The following RFTN1 variants were observed in gnomAD, a reference collection of about 807,000 sequenced individuals.
RFTN1 encodes the protein raftlin, lipid raft linker 1.
In RFTN1, 26 loss-of-function variants were observed where a neutral mutation model predicts 46.5. The ratio of observed to expected loss-of-function variants is 0.56; its 90% CI spans 0.41 to 0.78. The LOEUF (loss-of-function observed/expected upper bound fraction) is 0.78. Among genes scored for constraint, RFTN1 ranks in the 30% least tolerant of loss-of-function variants. RFTN1 has a pLI of 0.00. For synonymous variants in RFTN1, 261 were observed against 284.2 expected (o/e 0.92, Z 0.82); for missense variants, 693 against 718.7 (o/e 0.96, Z 0.41).
chr3:16,439,154 G>A (rs754270190), intron 2 of RFTN1, among the ~76,000 whole-genome samples: 23 of 152,112 alleles, frequency 1.5e-4, no homozygotes, highest in Middle Eastern at 3.4e-3. Flanking sequence ...ATAAAAAAAG[G>A]CTCCTATTAT....
rs1321860248 is a variant in RFTN1 at position 16,425,414 on chromosome 3, T to C, written c.332+8437A>G. ...CTCACTGTTCTCTGTCATTTCAAAA[T>C]AGTTCTGGGGAGAGGGTGGAAATCA... On this transcript the variant is annotated intron_variant, in intron 3 of 9. Transcript: ENST00000334133. The surrounding 1 kb of genome is among the most constrained non-coding windows in gnomAD (Gnocchi z 4.3). Among the ~76,000 whole-genome samples, 1 of 152,210 alleles carries C rather than the reference T, an allele frequency of 6.6e-6. No homozygotes were observed. Among genetic ancestry groups the C allele is most frequent in the Non-Finnish European group, 1.5e-5 (1 of 68,044 alleles).
In RFTN1 at chr3:16,425,188, T is replaced by C. The variant is rs1225428463; in HGVS notation, c.332+8663A>G. Among the ~76,000 whole-genome samples, 2 of 152,234 alleles carry C rather than the reference T, an allele frequency of 1.3e-5. No homozygotes were observed. Among genetic ancestry groups the C allele is most frequent in the African/African-American group, 4.8e-5 (2 of 41,466 alleles). On this transcript the variant is annotated intron_variant, in intron 3 of 9. Transcript: ENST00000334133. The surrounding 1 kb of genome is among the most constrained non-coding windows in gnomAD (Gnocchi z 4.3). ...TTCTCAAAATCATGTCCCTGTAGTC[T>C]ACCTTGCAATGCTACCAAATAAATC...
intron 8 of RFTN1, among the ~76,000 whole-genome samples, 158 bp downstream of exon 8, chr3:16,326,615 G>A (rs963849576): frequency 8.5e-5 from 13 of 152,290 alleles, no homozygotes; most frequent in African/African-American, 2.9e-4. Context: ...TTAAGAATGT[G>A]AAATTCTGGC....
rs1362909741 is a variant in RFTN1, at chr3:16,407,242, G to C, written c.441+2133C>G. ...CTGTCAGCCAGGCTGGAGTGCAGTG[G>C]TGCAATCATAGCTCACTGTGGTCTC... On this transcript the variant is annotated intron_variant, in intron 4 of 9. Coordinates refer to ENST00000334133, the MANE Select transcript of RFTN1 (RefSeq NM_015150.2). This position sits in a 1 kb window ranked among gnomAD's most constrained non-coding sequence, Gnocchi z 4.0. Among the ~76,000 whole-genome samples the C allele has an allele frequency of 1.9e-4, 29 of 152,210 alleles. No individual in the cohort carries two copies. The highest frequency in any genetic ancestry group is 8.8e-5 in the Non-Finnish European group (6 of 68,038).
chr3:16,328,672 C>T (rs948199732), intron 7 of RFTN1, among the ~76,000 whole-genome samples: 4 of 152,222 alleles, frequency 2.6e-5, no homozygotes, highest in Admixed American at 2.6e-4. Context: ...CCCAGATTCT[C>T]AGGGCCCCAT....
intron 7 of RFTN1, among the ~76,000 whole-genome samples, chr3:16,343,885 CTG>C (rs1200186953): frequency 1.3e-5 from 2 of 152,154 alleles, no homozygotes; most frequent in African/African-American, 2.4e-5. Context: ...GCAAAGCCAG[CTG>C]ATAGTCTTAT....
At position 16,376,869 on chromosome 3, in the gene RFTN1, G is replaced by C. The variant is rs540667428; in HGVS notation, c.826+849C>G. Among the ~76,000 whole-genome samples, 4 of 152,252 alleles carry C rather than the reference G, an allele frequency of 2.6e-5. No individual in the cohort carries two copies. The South Asian group carries it at 8.3e-4, about 32-fold the overall frequency. Reference sequence around the variant, plus strand: ...ACCACCTGTTCATTATCACTTGTAAGAGGCTAAATTCAAGAATTCGTAAAT... The same window carrying C: ...ACCACCTGTTCATTATCACTTGTAACAGGCTAAATTCAAGAATTCGTAAAT... On this transcript the variant is annotated intron_variant, in intron 5 of 9. Transcript: ENST00000334133. This position sits in a 1 kb window ranked among gnomAD's most constrained non-coding sequence, Gnocchi z 4.7.
intron 2 of RFTN1, among the ~76,000 whole-genome samples, chr3:16,490,394 G>C (rs1267123136): frequency 6.6e-6 from 1 of 152,138 alleles, no homozygotes; most frequent in Non-Finnish European, 1.5e-5. Flanking sequence ...GAGAAGCAGA[G>C]AAAGGAGGGT....
In RFTN1 at chr3:16,433,795, A is replaced by G; in HGVS notation, c.332+56T>C. ...CCCATCCTCTCACTTCCCCTCCTCT[A>G]TTGAGCATAACTTAGCCGCAACAGG... is the stretch of plus-strand genomic sequence containing the variant. On this transcript the variant is annotated intron_variant, in intron 3 of 9. Coordinates refer to ENST00000334133, the MANE Select transcript of RFTN1 (RefSeq NM_015150.2). This position sits in a 1 kb window ranked among gnomAD's most constrained non-coding sequence, Gnocchi z 4.4. The G allele has an allele frequency of 1.3e-6, 2 of 1,570,324 alleles. No individual in the cohort carries two copies. The highest frequency in any genetic ancestry group is 8.8e-7 in the Non-Finnish European group (1 of 1,140,818).
intron 7 of RFTN1, among the ~76,000 whole-genome samples, chr3:16,340,655 A>G (rs988360101): frequency 2.0e-5 from 3 of 152,360 alleles, no homozygotes; most frequent in Admixed American, 6.5e-5. Flanking sequence ...GCTTCTTTCA[A>G]AGTTACCTTG....
rs775754299 is a variant in RFTN1 at position 16,506,454 on chromosome 3, C to T, written c.-9+6988G>A. Among the ~76,000 whole-genome samples the T allele has an allele frequency of 6.6e-6, 1 of 152,108 alleles. No homozygotes were observed. The highest frequency in any genetic ancestry group is 1.5e-5 in the Non-Finnish European group (1 of 68,014). On this transcript the variant is annotated intron_variant, in intron 1 of 9. Coordinates refer to ENST00000334133, the MANE Select transcript of RFTN1 (RefSeq NM_015150.2). The surrounding 1 kb of genome is among the most constrained non-coding windows in gnomAD (Gnocchi z 4.8). Reference sequence around the variant, plus strand: ...CTCTGGCCATGACTGACCATGACAGCAGGGAACCCAGATGACAGTAAGTAG... The same window carrying T: ...CTCTGGCCATGACTGACCATGACAGTAGGGAACCCAGATGACAGTAAGTAG...
rs1262517513 is a variant in RFTN1, at chr3:16,413,912, T to C, written c.333-4429A>G. Among the ~76,000 whole-genome samples the C allele has an allele frequency of 6.6e-6, 1 of 152,196 alleles. No homozygotes were observed. The highest frequency in any genetic ancestry group is 1.5e-5 in the Non-Finnish European group (1 of 68,036). ...TTAAACTTTCTGTGCTTCAGTTTCT[T>C]TCACTAATGAATGGGATATTATACG... On this transcript the variant is annotated intron_variant, in intron 3 of 9. Transcript: ENST00000334133. The surrounding 1 kb of genome is among the most constrained non-coding windows in gnomAD (Gnocchi z 4.7).
Position 16,430,468 on chromosome 3 carries a change from CA to C in RFTN1, c.332+3382del, listed in dbSNP as rs113135376. ...TCGTTGGAGTCTTTTCCCCATAATA[CA>C]AAAAAAATGCAGTTATTGCATTTGC... On this transcript the variant is annotated intron_variant, in intron 3 of 9. Transcript: ENST00000334133. Among the ~76,000 whole-genome samples the C allele has an allele frequency of 5.8e-3, 883 of 151,664 alleles. 6 individuals carry two copies. Among genetic ancestry groups the C allele is most frequent in the African/African-American group, 0.02 (829 of 41,420 alleles).
rs1470692725 is a variant in RFTN1, at chr3:16,475,951, G to A, written c.145+17774C>T. ...GGACTTTTTGTCTTCCCTTAAGAGT[G>A]TGAATACTGCATGAAGCATAGACAC... On this transcript the variant is annotated intron_variant, in intron 2 of 9. Coordinates refer to ENST00000334133, the MANE Select transcript of RFTN1 (RefSeq NM_015150.2). This position sits in a 1 kb window ranked among gnomAD's most constrained non-coding sequence, Gnocchi z 4.2. Among the ~76,000 whole-genome samples the A allele has an allele frequency of 2.0e-5, 3 of 152,224 alleles. No homozygotes were observed. The highest frequency in any genetic ancestry group is 4.8e-5 in the African/African-American group (2 of 41,442).
intron 4 of RFTN1, among the ~76,000 whole-genome samples, chr3:16,391,817 G>A (rs1038551659): frequency 1.4e-5 from 2 of 145,342 alleles, no homozygotes; most frequent in Non-Finnish European, 3.0e-5. Context: ...CAGAATATCA[G>A]AGCTATAGGC....
chr3:16,473,762 C>T lies in RFTN1; in HGVS notation c.145+19963G>A, dbSNP rs2076238469. Among the ~76,000 whole-genome samples, 1 of 150,432 alleles carries T rather than the reference C, an allele frequency of 6.6e-6. No homozygotes were observed. The highest frequency in any genetic ancestry group is 2.4e-5 in the African/African-American group (1 of 41,328). On this transcript the variant is annotated intron_variant, in intron 2 of 9. Transcript: ENST00000334133. The surrounding 1 kb of genome is among the most constrained non-coding windows in gnomAD (Gnocchi z 5.3). ...TAGTACAAGGCATTTTTACTTTCTT[C>T]CACCCTGCTGGCTACTCCCTCAGAG...
In RFTN1 at chr3:16,321,427, T is replaced by A. The variant is rs2125188120; in HGVS notation, c.1332+1949A>T. 1.3e-5 allele frequency among the ~76,000 whole-genome samples: 2 copies of A among 152,152 alleles called. No homozygotes were observed. Among genetic ancestry groups the A allele is most frequent in the South Asian group, 2.1e-4 (1 of 4,814 alleles). The stretch of plus-strand genomic sequence containing the variant: ...TCAGGGAGTGGGGGTGGTCCCAACA[T>A]CCGGGCTGCAAGAGCTCAGGCATGA... On this transcript the variant is annotated intron_variant, in intron 9 of 9. Transcript: ENST00000334133. This position sits in a 1 kb window ranked among gnomAD's most constrained non-coding sequence, Gnocchi z 4.8.
In RFTN1 at chr3:16,361,608, A is replaced by C. The variant is rs10510447; in HGVS notation, c.1031-3561T>G. ...AGGAGGAAGGGACAGCCAGCCTGAC[A>C]TGCAGAGTGAACGAAGGACAGCCAA... On this transcript the variant is annotated intron_variant, in intron 6 of 9. Coordinates refer to ENST00000334133, the MANE Select transcript of RFTN1 (RefSeq NM_015150.2). This position sits in a 1 kb window ranked among gnomAD's most constrained non-coding sequence, Gnocchi z 4.3. Among the ~76,000 whole-genome samples the C allele has an allele frequency of 0.014, 2,188 of 152,266 alleles. 58 individuals carry two copies. The highest frequency in any genetic ancestry group is 0.05 in the African/African-American group (2,062 of 41,536).
rs552318154 is a variant in RFTN1 at position 16,358,846 on chromosome 3, A to T, written c.1031-799T>A. On this transcript the variant is annotated intron_variant, in intron 6 of 9. Transcript: ENST00000334133. ...CAGGAGTTCGAGACCAGCCTGGGCA[A>T]CACAATGAAACTCTATCTATACTAA... is the stretch of plus-strand genomic sequence containing the variant. Among the ~76,000 whole-genome samples, 16 of 152,144 alleles carry T rather than the reference A, an allele frequency of 1.1e-4. No homozygotes were observed. In the South Asian group the frequency reaches 3.1e-3, roughly 30 times the overall value.
Sources: allele counts gnomAD v4.1 joint callset (sites outside exome capture counted in the v4.1 genomes callset), GRCh38; gene constraint gnomAD v4.1.1; non-coding constraint Gnocchi (gnomAD v3.1); transcripts MANE v1.5; gene names NCBI Gene and HGNC (gene_info 2026-07-23, HGNC 2026-07-21).